Variants in ADGRB3 observed in about 807,000 individuals in gnomAD.
ADGRB3 encodes brain-specific angiogenesis inhibitor 3.
Under a neutral mutation model 193.4 loss-of-function variants are expected in ADGRB3, and 37 were observed. That is an observed-to-expected ratio of 0.19 (90% CI 0.15 to 0.25). The LOEUF (loss-of-function observed/expected upper bound fraction) is 0.25, where lower values mean the gene tolerates loss of function less well. ADGRB3 is among the 10% of genes least tolerant of loss of function. ADGRB3 has a pLI of 1.00. For missense variants in ADGRB3, 1,637 were observed against 1,852.9 expected, an observed-to-expected ratio of 0.88 and a Z score of 2.14; for synonymous variants, 690 against 644.2, an observed-to-expected ratio of 1.07 and a Z score of -1.08.
intron 17 of ADGRB3, among the ~76,000 whole-genome samples, chr6:69,100,898 G>A (rs1773025652): frequency 1.7e-5 from 2 of 114,368 alleles, no homozygotes; most frequent in East Asian, 2.7e-4. Context: ...AGGAAGGAAG[G>A]AAGAAGCGAG....
intron 4 of ADGRB3, among the ~76,000 whole-genome samples, chr6:68,933,520 G>T (rs1158893796): frequency 2.0e-5 from 3 of 152,186 alleles, no homozygotes; most frequent in Admixed American, 2.0e-4. Context: ...TTGAATCAAG[G>T]AGGCAGAGGT....
chr6:69,372,275 C>G, intron 29 of ADGRB3, 131 bp from the exon 30 acceptor site: 3 of 423,360 alleles, frequency 7.1e-6, no homozygotes, highest in Non-Finnish European at 1.3e-5. Flanking sequence ...TACATTTTTC[C>G]TTATGTGAAG....
intron 3 of ADGRB3, among the ~76,000 whole-genome samples, chr6:68,918,769 C>G (rs1766947955): frequency 6.6e-6 from 1 of 152,090 alleles, no homozygotes; most frequent in Non-Finnish European, 1.5e-5. Flanking sequence ...TTCTGTCTCC[C>G]TTTTCAACCT....
At position 68,943,893 on chromosome 6, in the gene ADGRB3, A is replaced by G; in HGVS notation, c.1094A>G (p.Gln365Arg). 1 of 1,614,014 alleles carries G rather than the reference A, an allele frequency of 6.2e-7. No homozygotes were observed. The highest frequency in any genetic ancestry group is 8.5e-7 in the Non-Finnish European group (1 of 1,179,896). ...SLCSFTCGRG[Q>R]RTRTRSCTPP... is the part of the protein sequence containing the mutation. ...TGTTCATTTACATGTGGTCGAGGCC[A>G]AAGAACAAGAACAAGGTCATGCACA... Residue 365 changes from glutamine to arginine, a missense_variant, in exon 6 of 32, where the codon CAA (glutamine) becomes CGA (arginine). Physicochemically the swap from Gln to Arg is conservative, Grantham distance 43. Coordinates refer to ENST00000370598, the MANE Select transcript of ADGRB3 (RefSeq NM_001704.3).
At chr6:68,938,118 G>T (rs1767530887) in intron 5 of ADGRB3, among the ~76,000 whole-genome samples, 1 of 151,828 alleles carries the variant, frequency 6.6e-6, no homozygotes, top group Non-Finnish European at 1.5e-5. Context: ...AAGAAAGGCA[G>T]AATTAACTGG....
intron 3 of ADGRB3, among the ~76,000 whole-genome samples, chr6:68,681,855 C>T (rs1764902938): frequency 1.3e-5 from 2 of 152,140 alleles, no homozygotes; most frequent in South Asian, 4.1e-4. Context: ...TAAACTTAAC[C>T]TAGGAACCTG....
intron 17 of ADGRB3, among the ~76,000 whole-genome samples, chr6:69,204,952 TAAG>T (rs1336335395): frequency 6.6e-6 from 1 of 152,182 alleles, no homozygotes; most frequent in African/African-American, 2.4e-5. Context: ...CTGTGCCTGT[TAAG>T]ACATTCCTAA....
chr6:69,309,364 G>A (rs1199120471), intron 20 of ADGRB3, among the ~76,000 whole-genome samples: 2 of 151,670 alleles, frequency 1.3e-5, no homozygotes, highest in African/African-American at 2.4e-5. Context: ...ATTATGAGAT[G>A]CAATCCTTAT....
intron 3 of ADGRB3, among the ~76,000 whole-genome samples, chr6:68,868,106 AT>A (rs1375767524): frequency 2.0e-5 from 3 of 152,100 alleles, no homozygotes; most frequent in African/African-American, 7.2e-5. Flanking sequence ...AAATGATATG[AT>A]TTGGCTCTGT....
intron 17 of ADGRB3, among the ~76,000 whole-genome samples, chr6:69,232,144 A>G (rs1766153432): frequency 6.6e-6 from 1 of 152,222 alleles, no homozygotes; most frequent in South Asian, 2.1e-4. Context: ...TGAAATTTAA[A>G]CACACACACA....
At chr6:69,060,222 C>CTCTG (rs1343520432) in intron 15 of ADGRB3, among the ~76,000 whole-genome samples, 4 of 144,368 alleles carry the variant, frequency 2.8e-5, no homozygotes, top group African/African-American at 1.0e-4. Context: ...CTCTCTCTTT[C>CTCTG]TCTCTCTCTC....
intron 5 of ADGRB3, among the ~76,000 whole-genome samples, chr6:68,937,227 G>A (rs1354178971): frequency 7.0e-6 from 1 of 143,092 alleles, no homozygotes; most frequent in African/African-American, 2.7e-5. Flanking sequence ...ACTTAATGAA[G>A]AGAGAGAGAG....
In ADGRB3 at chr6:69,054,517, G is replaced by A. The variant is rs147146110; in HGVS notation, c.2333+5171G>A. Among the ~76,000 whole-genome samples, 17 of 152,154 alleles carry A rather than the reference G, an allele frequency of 1.1e-4. No homozygotes were observed. In the East Asian group the frequency reaches 3.1e-3, roughly 28 times the overall value. On this transcript the variant is annotated intron_variant, in intron 15 of 31. Coordinates refer to ENST00000370598, the MANE Select transcript of ADGRB3 (RefSeq NM_001704.3). ...TCCTTTTTAATTCTCACTTTGCAAT[G>A]GAATATTCTAGTTTTGTGACGTTCT...
intron 10 of ADGRB3, among the ~76,000 whole-genome samples, chr6:68,978,088 G>A (rs953456989): frequency 5.9e-5 from 9 of 151,424 alleles, no homozygotes; most frequent in African/African-American, 2.2e-4. Flanking sequence ...TAGCACCTGT[G>A]GAAGTTTTGG....
At chr6:68,996,159 C>T (rs6934473) in intron 11 of ADGRB3, among the ~76,000 whole-genome samples, 17,477 of 151,968 alleles carry the variant, frequency 0.12, 1,266 homozygotes, top group African/African-American at 0.21. Flanking sequence ...ATTAGTAGTC[C>T]CTAGCTAGAA....
chr6:69,075,992 T>A lies in ADGRB3; in HGVS notation c.2437-3T>A, dbSNP rs766013494. ...ATGCATTCTTTCTCTGCTTTTTTTT[T>A]AGGGTACTTTGAATCCCTATTGTGT... On this transcript the variant is annotated splice_polypyrimidine_tract_variant and splice_region_variant and intron_variant, in intron 16 of 31. Coordinates refer to ENST00000370598, the MANE Select transcript of ADGRB3 (RefSeq NM_001704.3). 3.1e-6 allele frequency: 5 copies of A among 1,610,704 alleles called. No homozygotes were observed. Among genetic ancestry groups the A allele is most frequent in the Non-Finnish European group, 2.5e-6 (3 of 1,177,438 alleles).
chr6:69,267,727 G>A (rs532234107), intron 20 of ADGRB3, among the ~76,000 whole-genome samples: 1 of 152,194 alleles, frequency 6.6e-6, no homozygotes, highest in African/African-American at 2.4e-5. Flanking sequence ...GTTGTTTCAA[G>A]TTACCAGCAG....
chr6:68,642,573 CT>C (rs1561980526), intron 3 of ADGRB3, among the ~76,000 whole-genome samples: 2 of 151,970 alleles, frequency 1.3e-5, no homozygotes, highest in Non-Finnish European at 1.5e-5. Context: ...TTGACTAATG[CT>C]TCATTAAAGT....
intron 8 of ADGRB3, among the ~76,000 whole-genome samples, chr6:68,958,713 A>T (rs1012786888): frequency 6.6e-6 from 1 of 152,020 alleles, no homozygotes; most frequent in Non-Finnish European, 1.5e-5. Flanking sequence ...CATTTTTGTT[A>T]TTATTAACAT....
Sources: allele counts gnomAD v4.1 joint callset (sites outside exome capture counted in the v4.1 genomes callset), GRCh38; gene constraint gnomAD v4.1.1; transcripts MANE v1.5; gene names NCBI Gene and HGNC (gene_info 2026-07-23, HGNC 2026-07-21).